Variants in IGSF10 observed in about 807,000 individuals in gnomAD.
IGSF10 encodes immunoglobulin superfamily member 10.
Under a neutral mutation model 128.2 loss-of-function variants are expected in IGSF10, and 126 were observed. The ratio of observed to expected loss-of-function variants is 0.98; its 90% CI spans 0.85 to 1.14. The LOEUF is 1.14. Ranked by LOEUF, IGSF10 falls within the 50% of genes most tolerant of loss-of-function variation. The pLI, the probability that IGSF10 is intolerant of heterozygous loss-of-function variation, is 0.00. For missense variants in IGSF10, 3,295 were observed against 3,149.8 expected, an observed-to-expected ratio of 1.05 and a Z score of -1.10; for synonymous variants, 1,185 against 1,146.2, an observed-to-expected ratio of 1.03 and a Z score of -0.68.
At chr3:151,531,678 A>G in the IGSF10 span, among the ~76,000 whole-genome samples, 1 of 152,238 alleles carries the variant, frequency 6.6e-6, no homozygotes, top group Non-Finnish European at 1.5e-5. Context: ...GGACACATCT[A>G]AAGCAGCGTG....
the IGSF10 span, among the ~76,000 whole-genome samples, chr3:151,528,526 T>C: frequency 1.3e-5 from 2 of 152,118 alleles, no homozygotes; most frequent in African/African-American, 2.4e-5. Context: ...CTGGGAATGG[T>C]TGGACAGTGG....
chr3:151,510,056 A>G, the IGSF10 span, among the ~76,000 whole-genome samples: 1 of 152,234 alleles, frequency 6.6e-6, no homozygotes, highest in African/African-American at 2.4e-5. Context: ...GGGGCAGGGC[A>G]CAGACAAACA....
chr3:151,500,177 G>A, the IGSF10 span, among the ~76,000 whole-genome samples: 1 of 152,044 alleles, frequency 6.6e-6, no homozygotes, highest in Non-Finnish European at 1.5e-5. Flanking sequence ...AAATATGGCT[G>A]CAGTCAAATA....
the IGSF10 span, among the ~76,000 whole-genome samples, chr3:151,572,505 C>T: frequency 8.5e-5 from 13 of 152,240 alleles, no homozygotes; most frequent in East Asian, 7.7e-4. Flanking sequence ...AGTTTATTTG[C>T]GTAGAGGTGT....
the IGSF10 span, among the ~76,000 whole-genome samples, chr3:151,565,328 TG>T: frequency 6.6e-6 from 1 of 152,158 alleles, no homozygotes. Flanking sequence ...TTCACCCATT[TG>T]TAAAAATCAT....
At chr3:151,498,369 T>C in the IGSF10 span, among the ~76,000 whole-genome samples, 2 of 152,270 alleles carry the variant, frequency 1.3e-5, no homozygotes, top group East Asian at 3.9e-4. Context: ...ATTGAGAGTT[T>C]TTTAGACCAA....
the IGSF10 span, among the ~76,000 whole-genome samples, chr3:151,524,794 GAT>G: frequency 4.9e-3 from 752 of 152,092 alleles, 7 homozygotes; most frequent in African/African-American, 0.018. Flanking sequence ...TACATAAATA[GAT>G]ATTCCAAAGG....
chr3:151,530,495 C>T, the IGSF10 span, among the ~76,000 whole-genome samples: 1 of 152,070 alleles, frequency 6.6e-6, no homozygotes, highest in South Asian at 2.1e-4. Flanking sequence ...AGGGAAGCGA[C>T]TAACAGTGAA....
At chr3:151,479,307 A>G in the IGSF10 span, among the ~76,000 whole-genome samples, 1 of 152,198 alleles carries the variant, frequency 6.6e-6, no homozygotes, top group Admixed American at 6.5e-5. Flanking sequence ...ACTCCTGCAC[A>G]TATTGAAAAC....
downstream of IGSF10, chr3:151,433,866 C>T (rs907876035): frequency 3.9e-5 from 6 of 152,590 alleles, no homozygotes; most frequent in African/African-American, 1.4e-4. Flanking sequence ...ATTGCATATA[C>T]TGTATTTATA....
rs1720430379 is a variant in IGSF10 at position 151,437,407 on chromosome 3, CTT to C, written c.7152_7153del (p.Ser2385LeufsTer15). On this transcript the variant is annotated frameshift_variant, in exon 8 of 8. Transcript: ENST00000282466. LOFTEE classifies it low-confidence loss of function (END_TRUNC). ...ATTGCTTGCTATCAGATACTGATAA[CTT>C]TGTGGTCCATTGGAAAATCGTGTGC... 3 of 1,614,188 alleles carry C rather than the reference CTT, an allele frequency of 1.9e-6. No homozygotes were observed. In the African/African-American group the frequency reaches 4.0e-5, roughly 22 times the overall value.
In IGSF10 at chr3:151,443,640, T is replaced by C. The variant is rs77247199; in HGVS notation, c.5307A>G (p.Ala1769=). ...TAACTGTAGGGCTTGGCCTACCTTCTGCTCTGCACTTCAGTTCCACAGTGC... is the reference window on the plus strand; with the variant it reads ...TAACTGTAGGGCTTGGCCTACCTTCCGCTCTGCACTTCAGTTCCACAGTGC... The part of the protein sequence containing the change: ...SGSTVELKCR[A]EGRPSPTVTW... The change falls in exon 7 of 8, where the codon GCA becomes GCG. Residue 1769 remains alanine (A), a synonymous_variant. Transcript: ENST00000282466. 2.3e-3 allele frequency: 3,778 copies of C among 1,614,254 alleles called. 72 individuals carry two copies. In the East Asian group the frequency reaches 0.054, roughly 23 times the overall value.
chr3:151,525,166 C>T, the IGSF10 span, among the ~76,000 whole-genome samples: 5 of 151,810 alleles, frequency 3.3e-5, no homozygotes, highest in Admixed American at 2.6e-4. Context: ...ACTGGGATTA[C>T]AGGCACCAGC....
At chr3:151,466,697 G>A in the IGSF10 span, among the ~76,000 whole-genome samples, 8 of 152,006 alleles carry the variant, frequency 5.3e-5, no homozygotes, top group African/African-American at 1.9e-4. Flanking sequence ...TCCTGCCTTC[G>A]CCTCCCGAGT....
At chr3:151,583,546 G>T in the IGSF10 span, among the ~76,000 whole-genome samples, 1 of 152,142 alleles carries the variant, frequency 6.6e-6, no homozygotes, top group Admixed American at 6.5e-5. Context: ...TGGGCACAGG[G>T]TGGGGAACAT....
the IGSF10 span, among the ~76,000 whole-genome samples, chr3:151,555,277 T>C: frequency 6.6e-6 from 1 of 152,108 alleles, no homozygotes; most frequent in African/African-American, 2.4e-5. Context: ...CAACTATCTT[T>C]TATTAGCTGC....
chr3:151,436,629 G>T lies in IGSF10; in HGVS notation c.*60C>A. 8.1e-7 allele frequency: 1 copy of T among 1,238,432 alleles called. No individual in the cohort carries two copies. 76.7% of individuals were successfully genotyped at this position (1,238,432 alleles called of 1,614,324 possible). A position where few individuals can be genotyped will look rare whatever the true frequency, so the allele number is the denominator to read the frequency against. ...CATTTACATGCCTATGGCTGCCTTT[G>T]ATTAAACTTCTTCCAAAAAATAAAT... On this transcript the variant is annotated 3_prime_UTR_variant, in exon 8 of 8. Coordinates refer to ENST00000282466, the MANE Select transcript of IGSF10 (RefSeq NM_178822.5).
chr3:151,573,768 A>G, the IGSF10 span, among the ~76,000 whole-genome samples: 1 of 152,230 alleles, frequency 6.6e-6, no homozygotes, highest in Non-Finnish European at 1.5e-5. Context: ...TGATCCTGTC[A>G]TTATGATATT....
the IGSF10 span, among the ~76,000 whole-genome samples, chr3:151,579,827 A>G: frequency 1.5e-4 from 14 of 91,926 alleles, no homozygotes; most frequent in Non-Finnish European, 2.7e-5. Context: ...AGGAAAGAAG[A>G]AAGGAAGGAA....
Sources: allele counts gnomAD v4.1 joint callset (sites outside exome capture counted in the v4.1 genomes callset), GRCh38; gene constraint gnomAD v4.1.1; transcripts MANE v1.5; gene names NCBI Gene and HGNC (gene_info 2026-07-23, HGNC 2026-07-21).